Variants in RASSF9 observed in about 807,000 individuals in gnomAD.
The protein encoded by RASSF9 is ras association domain-containing protein 9.
A neutral mutation model predicts 21.4 loss-of-function variants in RASSF9; 18 were observed. That is an observed-to-expected ratio of 0.84 (90% CI 0.58 to 1.25). The LOEUF (loss-of-function observed/expected upper bound fraction) is 1.25, where lower values mean the gene tolerates loss of function less well. Ranked by LOEUF, RASSF9 falls within the 50% of genes most tolerant of loss-of-function variation. The pLI is 0.00. For missense variants in RASSF9, 480 were observed against 503.2 expected (o/e 0.95, Z 0.44); for synonymous variants, 183 against 179.1 (o/e 1.02, Z -0.18).
chr12:85,827,979 G>A (rs56055322), intron 1 of RASSF9, among the ~76,000 whole-genome samples: 9,290 of 152,062 alleles, frequency 0.061, 399 homozygotes, highest in Middle Eastern at 0.17. Context: ...AAAAATATAT[G>A]GCACATACTA....
rs1880454542 is a variant in RASSF9 at position 85,831,688 on chromosome 12, AT to A, written c.47+4466del. ...AATTTTGGATACATTTTAAATCTTG[AT>A]TGGAAGGATAAACAAAATAGTGCAT... On this transcript the variant is annotated intron_variant, in intron 1 of 1. Coordinates refer to ENST00000361228, the MANE Select transcript of RASSF9 (RefSeq NM_005447.4). 2.0e-5 allele frequency among the ~76,000 whole-genome samples: 3 copies of A among 151,916 alleles called. No individual in the cohort carries two copies. The South Asian group carries it at 6.2e-4, about 31-fold the overall frequency.
intron 1 of RASSF9, among the ~76,000 whole-genome samples, chr12:85,820,796 T>C (rs1383187587): frequency 6.6e-6 from 1 of 152,230 alleles, no homozygotes; most frequent in East Asian, 1.9e-4. Context: ...AATTGTTCAA[T>C]TTATTTCTAG....
At chr12:85,821,069 G>A (rs1213957924) in intron 1 of RASSF9, among the ~76,000 whole-genome samples, 2 of 152,122 alleles carry the variant, frequency 1.3e-5, no homozygotes, top group Non-Finnish European at 2.9e-5. Flanking sequence ...GCTTGAACCC[G>A]GGAGGTAGAC....
chr12:85,822,008 T>C (rs537798484), intron 1 of RASSF9, among the ~76,000 whole-genome samples: 1 of 152,274 alleles, frequency 6.6e-6, no homozygotes, highest in African/African-American at 2.4e-5. Flanking sequence ...TACCTGCACC[T>C]GGGAGGTTGC....
chr12:85,816,302 T>C (rs1880062659), intron 1 of RASSF9, among the ~76,000 whole-genome samples: 2 of 137,714 alleles, frequency 1.5e-5, no homozygotes, highest in Admixed American at 1.4e-4. Context: ...CCCCTGAACT[T>C]AAAAGTTAAA....
intron 1 of RASSF9, among the ~76,000 whole-genome samples, chr12:85,813,922 A>G (rs1216993705): frequency 6.6e-6 from 1 of 152,004 alleles, no homozygotes; most frequent in Non-Finnish European, 1.5e-5. Flanking sequence ...TTTATTTCCT[A>G]GGCCAGCCTG....
chr12:85,836,323 C>T lies in RASSF9; in HGVS notation c.-122G>A. On this transcript the variant is annotated 5_prime_UTR_variant, in exon 1 of 2. Coordinates refer to ENST00000361228, the MANE Select transcript of RASSF9 (RefSeq NM_005447.4). ...AAGCTTTCTCTTCTCCTCGGATGTT[C>T]CTGGCTTTCAGCTCATTAGTAGCCG... 1 of 1,523,654 alleles carries T rather than the reference C, an allele frequency of 6.6e-7. No individual in the cohort carries two copies. The highest frequency in any genetic ancestry group is 1.4e-5 in the African/African-American group (1 of 72,298). 94.4% of individuals were successfully genotyped at this position (1,523,654 alleles called of 1,614,324 possible). A position where few individuals can be genotyped will look rare whatever the true frequency, so the allele number is the denominator to read the frequency against.
At chr12:85,815,458 G>A (rs1880041024) in intron 1 of RASSF9, among the ~76,000 whole-genome samples, 1 of 152,088 alleles carries the variant, frequency 6.6e-6, no homozygotes, top group Admixed American at 6.6e-5. Flanking sequence ...TAGATACCCA[G>A]TAATGGGATT....
Position 85,815,649 on chromosome 12 carries a change from T to C in RASSF9, c.48-9687A>G, listed in dbSNP as rs755275813. Among the ~76,000 whole-genome samples, 42 of 152,244 alleles carry C rather than the reference T, an allele frequency of 2.8e-4. 1 individual carries two copies. The highest frequency in any genetic ancestry group is 3.5e-4 in the Non-Finnish European group (24 of 67,994). On this transcript the variant is annotated intron_variant, in intron 1 of 1. Coordinates refer to ENST00000361228, the MANE Select transcript of RASSF9 (RefSeq NM_005447.4). ...AATAGCCATTCTGACTGGAGTGAGA[T>C]GGTATCTCACTGTTGTTTTGATTTG...
At chr12:85,808,108 G>A (rs1221692309) in intron 1 of RASSF9, among the ~76,000 whole-genome samples, 1 of 152,052 alleles carries the variant, frequency 6.6e-6, no homozygotes, top group East Asian at 1.9e-4. Context: ...AGAATTTATA[G>A]TGTTTATGTT....
chr12:85,819,111 C>T (rs1880152196), intron 1 of RASSF9, among the ~76,000 whole-genome samples: 1 of 151,434 alleles, frequency 6.6e-6, no homozygotes, highest in Non-Finnish European at 1.5e-5. Context: ...GTATTGTAAA[C>T]CTACAAAAAA....
chr12:85,812,021 T>C lies in RASSF9; in HGVS notation c.48-6059A>G, dbSNP rs140015913. ...TGAACTAGTTTGTCCATTTCAAGAA[T>C]GGTTCCTAACAAAAGAGAAAATGCT... On this transcript the variant is annotated intron_variant, in intron 1 of 1. Coordinates refer to ENST00000361228, the MANE Select transcript of RASSF9 (RefSeq NM_005447.4). Among the ~76,000 whole-genome samples the C allele has an allele frequency of 2.4e-3, 366 of 151,896 alleles. 4 individuals carry two copies. Among genetic ancestry groups the C allele is most frequent in the African/African-American group, 8.3e-3 (344 of 41,550 alleles).
chr12:85,804,451 T>C lies in RASSF9; in HGVS notation c.*251A>G. The C allele has an allele frequency of 2.6e-6, 1 of 381,402 alleles. No homozygotes were observed. The highest frequency in any genetic ancestry group is 4.7e-6 in the Non-Finnish European group (1 of 213,924). The allele number at this position is 381,402 out of a possible 1,614,324, so 23.6% of individuals were successfully genotyped here. A position where few individuals can be genotyped will look rare whatever the true frequency, so the allele number is the denominator to read the frequency against. The stretch of plus-strand genomic sequence containing the variant: ...GATTATCATATGATTCCCATCAAAT[T>C]ATTTCTGTGTTCTACAACGACAAGC... On this transcript the variant is annotated 3_prime_UTR_variant, in exon 2 of 2. Coordinates refer to ENST00000361228, the MANE Select transcript of RASSF9 (RefSeq NM_005447.4).
At chr12:85,819,072 A>G (rs190513195) in intron 1 of RASSF9, among the ~76,000 whole-genome samples, 99 of 152,236 alleles carry the variant, frequency 6.5e-4, no homozygotes, top group Non-Finnish European at 1.2e-3. Flanking sequence ...AATATTTTTA[A>G]AAACTGGATT....
At chr12:85,831,668 T>C (rs759696563) in intron 1 of RASSF9, among the ~76,000 whole-genome samples, 9 of 151,940 alleles carry the variant, frequency 5.9e-5, no homozygotes, top group Non-Finnish European at 8.8e-5. Flanking sequence ...CATACAATTT[T>C]GGATACATTT....
At position 85,818,229 on chromosome 12, in the gene RASSF9, A is replaced by G. The variant is rs1167745591; in HGVS notation, c.48-12267T>C. Among the ~76,000 whole-genome samples the G allele has an allele frequency of 3.9e-5, 6 of 152,370 alleles. No individual in the cohort carries two copies. In the East Asian group the frequency reaches 9.6e-4, roughly 24 times the overall value. On this transcript the variant is annotated intron_variant, in intron 1 of 1. Coordinates refer to ENST00000361228, the MANE Select transcript of RASSF9 (RefSeq NM_005447.4). ...CAAGTGTTGTAAATGCTTTATGCAT[A>G]TAAATTCACTTTTCATTACAACCAT...
At chr12:85,806,369 T>A (rs1238003945) in intron 1 of RASSF9, among the ~76,000 whole-genome samples, 2 of 148,708 alleles carry the variant, frequency 1.3e-5, no homozygotes, top group African/African-American at 2.5e-5. Context: ...ATTTTTAAGT[T>A]GAGAATAAGA....
intron 1 of RASSF9, among the ~76,000 whole-genome samples, chr12:85,821,720 AT>A (rs1418815906): frequency 6.6e-6 from 1 of 152,028 alleles, no homozygotes; most frequent in Non-Finnish European, 1.5e-5. Context: ...TGCTACTTTA[AT>A]TTTCGAAGAA....
At chr12:85,826,516 C>T (rs962779581) in intron 1 of RASSF9, among the ~76,000 whole-genome samples, 2 of 145,286 alleles carry the variant, frequency 1.4e-5, no homozygotes, top group Non-Finnish European at 3.0e-5. Context: ...GGCACGATTT[C>T]GGTTCACTGC....
Sources: allele counts gnomAD v4.1 joint callset (sites outside exome capture counted in the v4.1 genomes callset), GRCh38; gene constraint gnomAD v4.1.1; transcripts MANE v1.5; gene names NCBI Gene and HGNC (gene_info 2026-07-23, HGNC 2026-07-21).